Variants in IL18BP observed in about 807,000 individuals in gnomAD.
IL18BP encodes the protein interleukin-18-binding protein.
A neutral mutation model predicts 19.9 loss-of-function variants in IL18BP; 23 were observed. The ratio of observed to expected loss-of-function variants is 1.15; its 90% CI spans 0.83 to 1.64. IL18BP has a LOEUF of 1.64. IL18BP is among the 40% of genes most tolerant of loss of function. The pLI, the probability that IL18BP is intolerant of heterozygous loss-of-function variation, is 0.00. For missense variants in IL18BP, 239 were observed against 240.7 expected, an observed-to-expected ratio of 0.99 and a Z score of 0.05; for synonymous variants, 107 against 101.0, an observed-to-expected ratio of 1.06 and a Z score of -0.35.
At chr11:72,004,492 C>T, downstream of IL18BP, 2 of 1,209,560 alleles carry the variant, frequency 1.7e-6, no homozygotes, top group South Asian at 1.3e-5. Flanking sequence ...CCCTTCCCAA[C>T]AGTTCCCATC....
At position 72,001,923 on chromosome 11, in the gene IL18BP, CTGGAG is replaced by C. The variant is rs1198761031; in HGVS notation, c.*65_*69del. The C allele has an allele frequency of 6.2e-7, 1 of 1,607,814 alleles. No homozygotes were observed. The highest frequency in any genetic ancestry group is 1.1e-5 in the South Asian group (1 of 90,318). On this transcript the variant is annotated 3_prime_UTR_variant, in exon 6 of 6. Coordinates refer to ENST00000393703, the MANE Select transcript of IL18BP (RefSeq NM_001039660.2). ...CAGAGCTTGGGTCCTACCTGTCTAC[CTGGAG>C]TGAACAGTCCCTGACTGCCTGTAGG... is the stretch of plus-strand genomic sequence containing the variant.
At chr11:72,006,522 A>T (rs1469173995), downstream of IL18BP, among the ~76,000 whole-genome samples, 2 of 152,146 alleles carry the variant, frequency 1.3e-5, no homozygotes, top group Non-Finnish European at 2.9e-5. Flanking sequence ...GGGAATGCAG[A>T]GTGTTTATCG....
downstream of IL18BP, chr11:72,004,260 C>A: frequency 6.2e-7 from 1 of 1,613,068 alleles, no homozygotes; most frequent in Non-Finnish European, 8.5e-7. Context: ...TTCTTCTGGG[C>A]CTCAGTAGTG....
downstream of IL18BP, chr11:72,007,301 G>C: frequency 6.2e-7 from 1 of 1,613,252 alleles, no homozygotes; most frequent in Non-Finnish European, 8.5e-7. Flanking sequence ...CTCCAGGGGG[G>C]CCTGACTCCG....
chr11:72,005,476 GC>G, downstream of IL18BP: 1 of 1,043,718 alleles, frequency 9.6e-7, no homozygotes, highest in Non-Finnish European at 1.4e-6. Flanking sequence ...TAAACTTGAA[GC>G]CCAGCACACC....
chr11:72,006,464 T>C (rs1955712390), downstream of IL18BP, among the ~76,000 whole-genome samples: 2 of 152,222 alleles, frequency 1.3e-5, no homozygotes, highest in Non-Finnish European at 2.9e-5. Context: ...TTGTCAAGAC[T>C]CTTCTACGCA....
downstream of IL18BP, chr11:72,004,374 G>T (rs11235417): frequency 2.5e-6 from 4 of 1,577,420 alleles, no homozygotes; most frequent in African/African-American, 5.4e-5. Context: ...GCAGACAGTA[G>T]CAAGAGGAGT....
downstream of IL18BP, chr11:72,003,223 C>T (rs1318726956): frequency 2.1e-6 from 1 of 465,992 alleles, no homozygotes; most frequent in East Asian, 3.6e-5. Context: ...CCCAAGGACC[C>T]AGCCATCAAA....
At chr11:72,004,111 G>C (rs578217932), downstream of IL18BP, 2 of 1,613,070 alleles carry the variant, frequency 1.2e-6, no homozygotes, top group South Asian at 2.2e-5. Flanking sequence ...TGCAAGGAAG[G>C]GCTGTCAGAC....
chr11:72,000,413 ACACCTGTCTCGCAGAC>A lies in IL18BP; in HGVS notation c.96_111del (p.Val33GlnfsTer32). ...CGTCGTCACTCTCCTGGTCAGAGCC[ACACCTGTCTCGCAGAC>A]CACCACAGCTGCCACTGCCTCAGTT... On this transcript the variant is annotated frameshift_variant, in exon 3 of 6. Transcript: ENST00000393703. LOFTEE classifies it high-confidence loss of function. The A allele has an allele frequency of 5.0e-6, 8 of 1,614,052 alleles. No individual in the cohort carries two copies. Among genetic ancestry groups the A allele is most frequent in the Non-Finnish European group, 6.8e-6 (8 of 1,180,016 alleles).
At chr11:72,003,362 AGGACCAG>A (rs1231835907), downstream of IL18BP, 32 of 693,890 alleles carry the variant, frequency 4.6e-5, no homozygotes, top group Non-Finnish European at 7.2e-5. Context: ...GCGCCAGTGA[AGGACCAG>A]GGACCAGGCC....
chr11:72,007,251 C>A (rs148082297), downstream of IL18BP: 3 of 1,612,720 alleles, frequency 1.9e-6, no homozygotes, highest in Non-Finnish European at 2.5e-6. Context: ...GTCTTACGAC[C>A]CGAGTCCAGG....
downstream of IL18BP, among the ~76,000 whole-genome samples, chr11:72,006,424 G>A (rs182956830): frequency 1.1e-3 from 168 of 152,320 alleles, no homozygotes; most frequent in African/African-American, 3.8e-3. Flanking sequence ...GGGCCTTGTC[G>A]ACAGAAGCCC....
downstream of IL18BP, chr11:72,003,590 C>T (rs201042334): frequency 1.1e-4 from 175 of 1,606,056 alleles, no homozygotes; most frequent in Non-Finnish European, 1.5e-4. Flanking sequence ...TACTAGCCTG[C>T]ACCCACTGGC....
At chr11:72,007,089 T>G, downstream of IL18BP, 1 of 1,417,514 alleles carries the variant, frequency 7.1e-7, no homozygotes, top group Non-Finnish European at 9.6e-7. Context: ...ATGGACTGGC[T>G]GCTCATCCCT....
intron 3 of IL18BP, 62 bp from the exon 4 acceptor site, chr11:72,001,139 G>C (rs1590830875): frequency 1.9e-5 from 30 of 1,604,630 alleles, no homozygotes; most frequent in Non-Finnish European, 2.5e-5. Context: ...GGAGGGCACA[G>C]CAGAGCAGGG....
At chr11:72,006,228 T>C (rs1463964522), downstream of IL18BP, 8 of 1,614,048 alleles carry the variant, frequency 5.0e-6, no homozygotes, top group Non-Finnish European at 6.8e-6. Context: ...TGTAGAACGA[T>C]GAGTTGGCGC....
chr11:72,004,513 G>A, downstream of IL18BP: 1 of 1,232,844 alleles, frequency 8.1e-7, no homozygotes, highest in Non-Finnish European at 1.1e-6. Flanking sequence ...CATGGGTCAG[G>A]CCCTTGGAGA....
chr11:72,004,720 C>G (rs1955561503), downstream of IL18BP: 4 of 1,613,658 alleles, frequency 2.5e-6, no homozygotes, highest in African/African-American at 2.7e-5. Context: ...GTGCCCTCGG[C>G]TATCTGGATT....
Sources: allele counts gnomAD v4.1 joint callset (sites outside exome capture counted in the v4.1 genomes callset), GRCh38; gene constraint gnomAD v4.1.1; transcripts MANE v1.5; gene names NCBI Gene and HGNC (gene_info 2026-07-23, HGNC 2026-07-21).